NEK7: variants seen among roughly 807,000 people sequenced by gnomAD.
NEK7 encodes the protein serine/threonine-protein kinase Nek7.
A neutral mutation model predicts 44.6 loss-of-function variants in NEK7; 18 were observed. That is an observed-to-expected ratio of 0.40 (90% CI 0.28 to 0.60). The LOEUF (loss-of-function observed/expected upper bound fraction) is 0.60, where lower values mean the gene tolerates loss of function less well. NEK7 is among the 20% of genes least tolerant of loss of function. The pLI, the probability that NEK7 is intolerant of heterozygous loss-of-function variation, is 0.38. For missense variants in NEK7, 256 were observed against 366.5 expected, an observed-to-expected ratio of 0.70 and a Z score of 2.46; for synonymous variants, 130 against 121.1, an observed-to-expected ratio of 1.07 and a Z score of -0.48.
chr1:198,291,925 AGTCTTATTTAAGATT>A (rs1654570211), intron 7 of NEK7, among the ~76,000 whole-genome samples: 2 of 152,136 alleles, frequency 1.3e-5, no homozygotes, highest in Non-Finnish European at 2.9e-5. Flanking sequence ...CAGTCTTGTT[AGTCTTATTTAAGATT>A]TATAGTAAAC....
chr1:198,286,683 A>G (rs1654381057), intron 7 of NEK7, among the ~76,000 whole-genome samples: 1 of 152,222 alleles, frequency 6.6e-6, no homozygotes, highest in South Asian at 2.1e-4. Flanking sequence ...CCAGGCTAAC[A>G]TCAAGGTATC....
intron 7 of NEK7, among the ~76,000 whole-genome samples, chr1:198,279,504 TC>T (rs1654126389): frequency 6.6e-6 from 1 of 151,960 alleles, no homozygotes; most frequent in Non-Finnish European, 1.5e-5. Context: ...CTAAAGGAGA[TC>T]ATTTTTAAAT....
intron 1 of NEK7, among the ~76,000 whole-genome samples, chr1:198,195,575 C>G (rs533608799): frequency 1.3e-5 from 2 of 152,280 alleles, no homozygotes; most frequent in South Asian, 4.1e-4. Context: ...GATCCCAGCA[C>G]TTTGGGAGGC....
chr1:198,233,084 A>C (rs1225283060), intron 2 of NEK7, among the ~76,000 whole-genome samples: 1 of 146,262 alleles, frequency 6.8e-6, no homozygotes, highest in Non-Finnish European at 1.5e-5. Flanking sequence ...GGTTTAGGGA[A>C]GGAAGAGGAA....
intron 1 of NEK7, among the ~76,000 whole-genome samples, chr1:198,200,586 TG>T (rs1665402032): frequency 1.3e-5 from 2 of 151,506 alleles, no homozygotes; most frequent in Non-Finnish European, 2.9e-5. Flanking sequence ...GGTCTTGCTC[TG>T]TTGCCCAGGC....
At position 198,293,032 on chromosome 1, in the gene NEK7, T is replaced by C; in HGVS notation, c.677T>C (p.Leu226Pro). ...KSDIWSLGCLLYEMAALQSPF... is the reference protein window; with the variant it reads ...KSDIWSLGCLPYEMAALQSPF... ...GACATCTGGTCTCTTGGCTGTCTAC[T>C]ATATGAGGTAGGTAATGTTGATAAA... is the stretch of plus-strand genomic sequence containing the variant. The change falls in exon 8 of 10, where the codon CTA (leucine) becomes CCA (proline). Residue 226 changes from leucine to proline, a missense_variant. Physicochemically the swap from Leu to Pro is moderately conservative, Grantham distance 98. Coordinates refer to ENST00000367385, the MANE Select transcript of NEK7 (RefSeq NM_133494.3). 6.6e-7 allele frequency: 1 copy of C among 1,508,040 alleles called. No homozygotes were observed. Among genetic ancestry groups the C allele is most frequent in the Non-Finnish European group, 9.2e-7 (1 of 1,084,120 alleles). 93.4% of individuals were successfully genotyped at this position (1,508,040 alleles called of 1,614,324 possible).
At chr1:198,253,783 G>C (rs1445167603) in intron 3 of NEK7, among the ~76,000 whole-genome samples, 2 of 152,034 alleles carry the variant, frequency 1.3e-5, no homozygotes, top group Non-Finnish European at 2.9e-5. Flanking sequence ...CTCTTTCCAA[G>C]TCCTGCCCTA....
At chr1:198,175,597 T>A (rs1210339749) in intron 1 of NEK7, among the ~76,000 whole-genome samples, 1 of 152,248 alleles carries the variant, frequency 6.6e-6, no homozygotes, top group Non-Finnish European at 1.5e-5. Context: ...GTATTACAGC[T>A]GAATGATTAG....
At chr1:198,280,708 A>G (rs1309214450) in intron 7 of NEK7, among the ~76,000 whole-genome samples, 1 of 149,362 alleles carries the variant, frequency 6.7e-6, no homozygotes, top group Non-Finnish European at 1.5e-5. Flanking sequence ...ACCTAGGGTC[A>G]TGTAATTATA....
At chr1:198,244,858 G>A (rs1666788442) in intron 2 of NEK7, among the ~76,000 whole-genome samples, 1 of 151,912 alleles carries the variant, frequency 6.6e-6, no homozygotes, top group African/African-American at 2.4e-5. Flanking sequence ...GAGAAACTCA[G>A]TGTGTCTGGA....
intron 1 of NEK7, among the ~76,000 whole-genome samples, chr1:198,201,787 T>A (rs1291203845): frequency 6.6e-6 from 1 of 152,120 alleles, no homozygotes; most frequent in Non-Finnish European, 1.5e-5. Context: ...CACTTGGAGT[T>A]TTTGCACCAG....
Position 198,293,018 on chromosome 1 carries a change from T to TA in NEK7, c.663_664insA (p.Leu222ThrfsTer7), listed in dbSNP as rs1434588393. On this transcript the variant is annotated frameshift_variant, in exon 8 of 10. Transcript: ENST00000367385. LOFTEE classifies it high-confidence loss of function. The stretch of plus-strand genomic sequence containing the variant: ...ACAACTTCAAATCTGACATCTGGTC[T>TA]CTTGGCTGTCTACTATATGAGGTAG... 1 of 1,570,468 alleles carries TA rather than the reference T, an allele frequency of 6.4e-7. No homozygotes were observed. Among genetic ancestry groups the TA allele is most frequent in the Admixed American group, 1.7e-5 (1 of 59,910 alleles).
chr1:198,301,499 G>A (rs917307282), intron 9 of NEK7, among the ~76,000 whole-genome samples: 2 of 152,236 alleles, frequency 1.3e-5, no homozygotes, highest in Non-Finnish European at 2.9e-5. Context: ...GCAGTGAGCC[G>A]AGATCGCGCC....
chr1:198,192,952 A>G (rs139877273), intron 1 of NEK7, among the ~76,000 whole-genome samples: 24 of 152,242 alleles, frequency 1.6e-4, no homozygotes, highest in African/African-American at 5.3e-4. Context: ...GACAAGAAAT[A>G]ACCAAGATCA....
chr1:198,179,596 T>G (rs1664698777), intron 1 of NEK7, among the ~76,000 whole-genome samples: 1 of 152,102 alleles, frequency 6.6e-6, no homozygotes, highest in African/African-American at 2.4e-5. Flanking sequence ...ATCAAGGGAC[T>G]TTAGGACCTG....
At chr1:198,256,403 T>C in intron 3 of NEK7, 1 of 1,612,100 alleles carries the variant, frequency 6.2e-7, no homozygotes, top group Non-Finnish European at 8.5e-7. Context: ...CATAAAGGGA[T>C]CTGAGAGCCT....
At chr1:198,197,826 C>T (rs1038119990) in intron 1 of NEK7, 8 of 782,790 alleles carry the variant, frequency 1.0e-5, no homozygotes, top group East Asian at 5.1e-5. Flanking sequence ...TTGCCATGCT[C>T]GTGGTGCTTG....
chr1:198,235,652 G>A (rs56659014), intron 2 of NEK7, among the ~76,000 whole-genome samples: 11,082 of 152,144 alleles, frequency 0.073, 498 homozygotes, highest in East Asian at 0.17. Context: ...TTTGATTTAT[G>A]GTTATTGGGT....
At chr1:198,236,573 G>A (rs1266815705) in intron 2 of NEK7, among the ~76,000 whole-genome samples, 1 of 152,054 alleles carries the variant, frequency 6.6e-6, no homozygotes, top group Non-Finnish European at 1.5e-5. Flanking sequence ...CCTCATCCTA[G>A]CTCTAAGCTG....
Sources: allele counts gnomAD v4.1 joint callset (sites outside exome capture counted in the v4.1 genomes callset), GRCh38; gene constraint gnomAD v4.1.1; transcripts MANE v1.5; gene names NCBI Gene and HGNC (gene_info 2026-07-23, HGNC 2026-07-21).